Variants in TRHDE observed in about 807,000 individuals in gnomAD.
TRHDE encodes thyrotropin releasing hormone degrading enzyme.
A neutral mutation model predicts 125.7 loss-of-function variants in TRHDE; 72 were observed. The ratio of observed to expected loss-of-function variants is 0.57; its 90% confidence interval spans 0.47 to 0.70. TRHDE has a LOEUF of 0.70. TRHDE is among the 30% of genes least tolerant of loss of function. TRHDE has a pLI of 0.00. For synonymous variants in TRHDE, 509 were observed against 509.1 expected (o/e 1.00, Z 0.00); for missense variants, 1,110 against 1,327.1 (o/e 0.84, Z 2.54).
chr12:72,487,060 G>A (rs1036084263), intron 5 of TRHDE, among the ~76,000 whole-genome samples: 2 of 151,850 alleles, frequency 1.3e-5, no homozygotes, highest in African/African-American at 4.8e-5. Flanking sequence ...CAAAAAGAAG[G>A]AAGAATCTTG....
At chr12:72,224,158 G>GTATCTATCTATC (rs1162467537) in intron 2 of TRHDE, among the ~76,000 whole-genome samples, 1 of 24,642 alleles carries the variant, frequency 4.1e-5, no homozygotes, top group African/African-American at 1.3e-4. Flanking sequence ...ATGTATGTAT[G>GTATCTATCTATC]TATGTATGTA....
intron 12 of TRHDE, among the ~76,000 whole-genome samples, chr12:72,599,275 C>T (rs1592563984): frequency 1.3e-5 from 2 of 152,018 alleles, no homozygotes; most frequent in South Asian, 4.1e-4. Flanking sequence ...AATGGTAGTT[C>T]TGGATTATTT....
chr12:72,142,175 G>T (rs2139314997), intron 2 of TRHDE, among the ~76,000 whole-genome samples: 1 of 152,218 alleles, frequency 6.6e-6, no homozygotes, highest in South Asian at 2.1e-4. Context: ...TGCATATGTG[G>T]GAAGCCTACC....
At chr12:72,509,275 C>G (rs372568692) in intron 6 of TRHDE, among the ~76,000 whole-genome samples, 1 of 151,900 alleles carries the variant, frequency 6.6e-6, no homozygotes, top group East Asian at 1.9e-4. Flanking sequence ...CCACCGCACC[C>G]CCCCGCACAC....
chr12:72,641,235 A>G (rs941293119), intron 15 of TRHDE, among the ~76,000 whole-genome samples: 1 of 152,216 alleles, frequency 6.6e-6, no homozygotes, highest in Non-Finnish European at 1.5e-5. Flanking sequence ...CCTCTGTAAG[A>G]TATTTTAAAT....
intron 6 of TRHDE, among the ~76,000 whole-genome samples, chr12:72,537,062 G>A (rs1172430679): frequency 6.6e-6 from 1 of 152,028 alleles, no homozygotes; most frequent in Non-Finnish European, 1.5e-5. Context: ...GTATAAGTGG[G>A]TTTCTAATTC....
At chr12:72,423,422 C>G (rs1408371991) in intron 3 of TRHDE, among the ~76,000 whole-genome samples, 1 of 152,154 alleles carries the variant, frequency 6.6e-6, no homozygotes, top group Non-Finnish European at 1.5e-5. Flanking sequence ...GACCACCAGT[C>G]AAAAATTCTG....
chr12:72,160,840 A>G (rs748177686), intron 2 of TRHDE, among the ~76,000 whole-genome samples: 2 of 152,152 alleles, frequency 1.3e-5, no homozygotes, highest in Non-Finnish European at 2.9e-5. Flanking sequence ...TGTTCATGCC[A>G]CAGTTCTAAA....
At chr12:72,121,367 C>T (rs1281617932) in intron 2 of TRHDE, among the ~76,000 whole-genome samples, 2 of 152,178 alleles carry the variant, frequency 1.3e-5, no homozygotes, top group African/African-American at 4.8e-5. Flanking sequence ...CTCATAGTGG[C>T]AGCGCTTTCT....
chr12:72,561,810 G>A (rs974011093), intron 7 of TRHDE, among the ~76,000 whole-genome samples: 4 of 151,796 alleles, frequency 2.6e-5, no homozygotes, highest in Non-Finnish European at 4.4e-5. Context: ...ACACTTTAAC[G>A]CAAAAGCCTG....
At chr12:72,645,079 TAGTC>T (rs947028036) in intron 15 of TRHDE, among the ~76,000 whole-genome samples, 3 of 152,096 alleles carry the variant, frequency 2.0e-5, no homozygotes, top group East Asian at 1.9e-4. Context: ...CATGAACTGA[TAGTC>T]AGAAAAAAAT....
intron 6 of TRHDE, among the ~76,000 whole-genome samples, chr12:72,535,341 G>T (rs963598890): frequency 1.3e-5 from 2 of 152,042 alleles, no homozygotes; most frequent in African/African-American, 4.8e-5. Flanking sequence ...AAATTAGTCT[G>T]ATGTGGCCCA....
In TRHDE at chr12:72,642,027, C is replaced by T. The variant is rs1252067153; in HGVS notation, c.2676-10295C>T. 3.3e-5 allele frequency among the ~76,000 whole-genome samples: 5 copies of T among 152,264 alleles called. No individual in the cohort carries two copies. In the East Asian group the frequency reaches 9.7e-4, roughly 29 times the overall value. ...AGAAACCCCAGATTGTTTTTTAGCC[C>T]TGTTTCTGCCACGTGAGAATGCAAG... On this transcript the variant is annotated intron_variant, in intron 15 of 18. Transcript: ENST00000261180.
chr12:72,382,197 G>A (rs1872216996), intron 3 of TRHDE, among the ~76,000 whole-genome samples: 1 of 152,120 alleles, frequency 6.6e-6, no homozygotes, highest in African/African-American at 2.4e-5. Flanking sequence ...AATATTTGTG[G>A]TAAATCAAGT....
At chr12:72,534,135 T>G (rs575091688) in intron 6 of TRHDE, among the ~76,000 whole-genome samples, 7 of 152,296 alleles carry the variant, frequency 4.6e-5, no homozygotes, top group Admixed American at 2.6e-4. Flanking sequence ...ATGGAAAAGT[T>G]ATATCATCAA....
At chr12:72,530,253 T>C (rs1051368245) in intron 6 of TRHDE, among the ~76,000 whole-genome samples, 1 of 152,042 alleles carries the variant, frequency 6.6e-6, no homozygotes, top group African/African-American at 2.4e-5. Flanking sequence ...ATCCCCCAAT[T>C]AAGCTTTCAT....
intron 2 of TRHDE, among the ~76,000 whole-genome samples, chr12:72,118,431 A>G (rs1023381048): frequency 6.6e-6 from 1 of 152,014 alleles, no homozygotes; most frequent in African/African-American, 2.4e-5. Context: ...TAATCTTTTT[A>G]GTGTGTTGTT....
chr12:72,428,175 A>G (rs1874270149), intron 3 of TRHDE, among the ~76,000 whole-genome samples: 1 of 152,128 alleles, frequency 6.6e-6, no homozygotes, highest in South Asian at 2.1e-4. Flanking sequence ...CCCTTATAAA[A>G]TTTGTCCTAA....
chr12:72,194,678 C>T (rs1877404147), intron 2 of TRHDE, among the ~76,000 whole-genome samples: 2 of 152,232 alleles, frequency 1.3e-5, no homozygotes, highest in Admixed American at 1.3e-4. Flanking sequence ...TAGCCTCCAG[C>T]TGAATCCACA....
Sources: allele counts gnomAD v4.1 joint callset (sites outside exome capture counted in the v4.1 genomes callset), GRCh38; gene constraint gnomAD v4.1.1; transcripts MANE v1.5; gene names NCBI Gene and HGNC (gene_info 2026-07-23, HGNC 2026-07-21).